MCTP2: variants seen among roughly 807,000 people sequenced by gnomAD.
The protein encoded by MCTP2 is multiple C2 and transmembrane domain containing 2.
A neutral mutation model predicts 111.6 loss-of-function variants in MCTP2; 132 were observed. The ratio of observed to expected loss-of-function variants is 1.18; its 90% CI spans 1.03 to 1.37. The LOEUF (loss-of-function observed/expected upper bound fraction) is 1.37, where lower values mean the gene tolerates loss of function less well. MCTP2 is among the 40% of genes most tolerant of loss of function. MCTP2 has a pLI of 0.00. For missense variants in MCTP2, 1,183 were observed against 1,067.9 expected, an observed-to-expected ratio of 1.11 and a Z score of -1.50; for synonymous variants, 395 against 387.7, an observed-to-expected ratio of 1.02 and a Z score of -0.22.
At chr15:94,402,150 T>C in intron 17 of MCTP2, 131 bp downstream of exon 17, 2 of 1,348,334 alleles carry the variant, frequency 1.5e-6, no homozygotes, top group Non-Finnish European at 2.0e-6. Flanking sequence ...CAAATTTACC[T>C]GGGAAACCCC....
chr15:94,402,200 A>T, intron 17 of MCTP2, 181 bp downstream of exon 17: 1 of 890,726 alleles, frequency 1.1e-6, no homozygotes, highest in Non-Finnish European at 1.3e-6. Flanking sequence ...GTCTCTTGGT[A>T]AATTTAAGAG....
chr15:94,342,342 C>T (rs1459715108), intron 7 of MCTP2: 1 of 152,090 alleles, frequency 6.6e-6, no homozygotes, highest in Non-Finnish European at 1.5e-5. Context: ...ATACTAGACT[C>T]AGCTTGGAGC....
At chr15:94,464,246 A>ATATATAT (rs1555481359) in intron 20 of MCTP2, among the ~76,000 whole-genome samples, 3 of 60,396 alleles carry the variant, frequency 5.0e-5, no homozygotes, top group Non-Finnish European at 1.0e-4. Flanking sequence ...TATAATATAT[A>ATATATAT]TATATATATA....
Position 94,298,422 on chromosome 15 carries a change from C to T in MCTP2, c.157C>T (p.Pro53Ser). 1.2e-6 allele frequency: 2 copies of T among 1,614,166 alleles called. No individual in the cohort carries two copies. The highest frequency in any genetic ancestry group is 1.7e-6 in the Non-Finnish European group (2 of 1,180,028). ...GGACCGCCGTCTCAGCCTCTCTGTG[C>T]CTGATCTCCTGGAGGCTGAGGCCTT... ...HLDRRLSLSV[P>S]DLLEAEALAP... Residue 53 changes from proline to serine, a missense_variant, in exon 2 of 23, where the codon CCT becomes TCT. Coordinates refer to ENST00000357742, the MANE Select transcript of MCTP2 (RefSeq NM_001385001.1).
In MCTP2 at chr15:94,479,192, C is replaced by A; in HGVS notation, c.*158C>A. On this transcript the variant is annotated 3_prime_UTR_variant, in exon 23 of 23. Coordinates refer to ENST00000357742, the MANE Select transcript of MCTP2 (RefSeq NM_001385001.1). ...CCTCCTTCACGTGCACAGACATACA[C>A]ACATGTGCACACACCCTCATGCATG... 1.5e-6 allele frequency: 1 copy of A among 681,532 alleles called. No individual in the cohort carries two copies. Among genetic ancestry groups the A allele is most frequent in the South Asian group, 1.7e-5 (1 of 58,348 alleles). 42.2% of individuals were successfully genotyped at this position (681,532 alleles called of 1,614,324 possible).
At chr15:94,445,692 A>G (rs1373524476) in intron 19 of MCTP2, among the ~76,000 whole-genome samples, 2 of 152,152 alleles carry the variant, frequency 1.3e-5, no homozygotes, top group Non-Finnish European at 2.9e-5. Context: ...AGAAAGGTCT[A>G]CTCACTGAGC....
chr15:94,295,239 CACACCTGGCCG>C (rs2152330586), intron 1 of MCTP2, among the ~76,000 whole-genome samples: 1 of 76,792 alleles, frequency 1.3e-5, no homozygotes, highest in African/African-American at 5.2e-5. Context: ...TATGAGCCAC[CACACCTGGCCG>C]GGACTGGGTA....
intron 20 of MCTP2, among the ~76,000 whole-genome samples, chr15:94,467,018 G>T (rs1289754923): frequency 1.3e-5 from 2 of 151,912 alleles, no homozygotes; most frequent in African/African-American, 4.8e-5. Flanking sequence ...GAAAAATGAG[G>T]GTAGCTAACA....
chr15:94,372,594 T>G (rs1424959313), intron 12 of MCTP2, among the ~76,000 whole-genome samples: 2 of 152,118 alleles, frequency 1.3e-5, no homozygotes, highest in African/African-American at 4.8e-5. Context: ...AGTAAAAAAA[T>G]AAAACAGACC....
At chr15:94,471,080 C>T (rs2073887769) in intron 21 of MCTP2, among the ~76,000 whole-genome samples, 1 of 152,194 alleles carries the variant, frequency 6.6e-6, no homozygotes, top group Non-Finnish European at 1.5e-5. Flanking sequence ...TGATTTAATA[C>T]TCAAACTAGC....
rs143059876 is a variant in MCTP2 at position 94,429,758 on chromosome 15, G to A, written c.2086-10418G>A. 2.8e-3 allele frequency among the ~76,000 whole-genome samples: 432 copies of A among 152,126 alleles called. 1 individual carries two copies. Among genetic ancestry groups the A allele is most frequent in the African/African-American group, 9.6e-3 (399 of 41,492 alleles). On this transcript the variant is annotated intron_variant, in intron 17 of 22. Transcript: ENST00000357742. ...GGAGTCTGATAATCCACAAATTTAC[G>A]TATCTAACCATAACCTCTACCCTGA...
chr15:94,385,344 G>A, intron 13 of MCTP2, 79 bp from the exon 14 acceptor site: 2 of 960,264 alleles, frequency 2.1e-6, no homozygotes, highest in East Asian at 4.8e-5. Context: ...CTTAATTAGT[G>A]AAACAGTGTT....
intron 20 of MCTP2, among the ~76,000 whole-genome samples, chr15:94,459,730 C>T (rs533677462): frequency 6.6e-6 from 1 of 152,120 alleles, no homozygotes; most frequent in East Asian, 1.9e-4. Flanking sequence ...TTTCCTCACT[C>T]AACTATCAGT....
At chr15:94,429,985 G>T (rs1266181670) in intron 17 of MCTP2, among the ~76,000 whole-genome samples, 1 of 151,990 alleles carries the variant, frequency 6.6e-6, no homozygotes, top group Non-Finnish European at 1.5e-5. Context: ...TAAACTATTT[G>T]CAACTCCTCT....
At chr15:94,241,605 A>G (rs1035512201) in intron 1 of MCTP2, among the ~76,000 whole-genome samples, 3 of 152,158 alleles carry the variant, frequency 2.0e-5, no homozygotes, top group Non-Finnish European at 4.4e-5. Flanking sequence ...AGCATAGGAT[A>G]GAATAGTATA....
intron 1 of MCTP2, among the ~76,000 whole-genome samples, chr15:94,251,380 C>T (rs1373048234): frequency 4.0e-5 from 6 of 148,830 alleles, no homozygotes; most frequent in South Asian, 2.1e-4. Context: ...TTTTTTGAGA[C>T]GGAGTTTCGC....
intron 1 of MCTP2, among the ~76,000 whole-genome samples, chr15:94,233,147 T>C (rs1183403205): frequency 1.3e-5 from 2 of 152,140 alleles, no homozygotes; most frequent in Non-Finnish European, 2.9e-5. Context: ...TCCTATCTCC[T>C]GGGGATTAAT....
intron 4 of MCTP2, among the ~76,000 whole-genome samples, chr15:94,336,745 G>GTA (rs1163164864): frequency 2.0e-5 from 3 of 151,238 alleles, no homozygotes; most frequent in Non-Finnish European, 2.9e-5. Flanking sequence ...ATATATGTGT[G>GTA]TGTATATATA....
At chr15:94,319,339 A>C (rs948271946) in intron 4 of MCTP2, among the ~76,000 whole-genome samples, 1 of 152,176 alleles carries the variant, frequency 6.6e-6, no homozygotes, top group South Asian at 2.1e-4. Context: ...TCAATACAGC[A>C]TTATTTTCTA....
Sources: gnomAD v4.1 joint callset for allele counts (sites outside exome capture counted in the v4.1 genomes callset) on GRCh38, gnomAD v4.1.1 for gene constraint, MANE v1.5 for transcripts, NCBI Gene and HGNC (gene_info 2026-07-23, HGNC 2026-07-21) for gene names.